Variants in PCNT observed in about 807,000 individuals in gnomAD.
PCNT encodes the protein kendrin.
Under a neutral mutation model 380.4 loss-of-function variants are expected in PCNT, and 319 were observed. The ratio of observed to expected loss-of-function variants is 0.84; its 90% CI spans 0.77 to 0.92. The LOEUF (loss-of-function observed/expected upper bound fraction) is 0.92, where lower values mean the gene tolerates loss of function less well. Among genes scored for constraint, PCNT ranks in the 40% least tolerant of loss-of-function variants. The pLI, the probability that PCNT is intolerant of heterozygous loss-of-function variation, is 0.00. For missense variants in PCNT, 4,400 were observed against 4,255.3 expected, an observed-to-expected ratio of 1.03 and a Z score of -0.95; for synonymous variants, 1,845 against 1,735.2, an observed-to-expected ratio of 1.06 and a Z score of -1.57.
rs768890369 is a variant in PCNT, at chr21:46,355,644, C to T, written c.1936+18C>T. On this transcript the variant is annotated intron_variant, in intron 12 of 46. Transcript: ENST00000359568. ...CAGCCAAGGTGGGCCCCTCCCGCCT[C>T]GCCATGGTGTCGGCAGGTCCCGGGT... 160 of 1,612,414 alleles carry T rather than the reference C, an allele frequency of 9.9e-5. No individual in the cohort carries two copies. Among genetic ancestry groups the T allele is most frequent in the Non-Finnish European group, 1.3e-4 (148 of 1,179,570 alleles).
chr21:46,424,702 T>G (rs1179038919), intron 32 of PCNT, among the ~76,000 whole-genome samples: 2 of 8,796 alleles, frequency 2.3e-4, no homozygotes, highest in South Asian at 2.5e-3. Context: ...CCCCCGGCCC[T>G]GCTCCCACTG....
intron 8 of PCNT, 120 bp from the exon 9 acceptor site, chr21:46,351,309 T>TTTGGGATG (rs1211945239): frequency 1.3e-5 from 10 of 745,270 alleles, no homozygotes; most frequent in Non-Finnish European, 2.5e-5. Flanking sequence ...GAGCTGCAGG[T>TTTGGGATG]TTGGGATGTG....
chr21:46,343,269 T>C (rs1335646620), intron 3 of PCNT, among the ~76,000 whole-genome samples: 2 of 152,198 alleles, frequency 1.3e-5, no homozygotes, highest in Non-Finnish European at 2.9e-5. Flanking sequence ...CAGTATAATG[T>C]TGGCTGTGGG....
intron 9 of PCNT, 60 bp from the exon 10 acceptor site, chr21:46,353,044 C>T (rs903886975): frequency 1.7e-5 from 24 of 1,403,214 alleles, no homozygotes; most frequent in Non-Finnish European, 1.9e-5. Flanking sequence ...TCTTGCCTCT[C>T]GCCTGGCTTG....
chr21:46,424,716 C>CT (rs1218188010), intron 32 of PCNT, among the ~76,000 whole-genome samples: 1 of 134,484 alleles, frequency 7.4e-6, no homozygotes, highest in Non-Finnish European at 1.6e-5. Flanking sequence ...CCCACTGCGC[C>CT]CCCCCCAACC....
rs769831761 is a variant in PCNT, at chr21:46,346,888, C to T, written c.866C>T (p.Ala289Val). Residue 289 changes from alanine to valine, a missense_variant, in exon 5 of 47, where the codon GCC becomes GTC. Physicochemically the swap from Ala to Val is moderately conservative, Grantham distance 64 (BLOSUM62 0). Transcript: ENST00000359568. ...ELREMLNSRR[A>V]QELALLQSRQ... ...CGGGAGATGCTCAACAGCCGGCGTG[C>T]CCAGGAGCTGGCCCTGCTACAGAGC... The T allele has an allele frequency of 5.0e-6, 8 of 1,606,532 alleles. No individual in the cohort carries two copies. Among genetic ancestry groups the T allele is most frequent in the Admixed American group, 3.4e-5 (2 of 58,820 alleles).
rs774181521 is a variant in PCNT, at chr21:46,411,598, T to G, written c.5525T>G (p.Val1842Gly). ...CAGCTGGCTGAGCTGGAGCGCAATG[T>G]AGCCCTCAGGGAGGCTGAGGTCGAA... is the stretch of plus-strand genomic sequence containing the variant. ...ELQLAELERN[V>G]ALREAEVEDM... The change falls in exon 28 of 47, where the codon GTA becomes GGA. Residue 1842 changes from valine to glycine, a missense_variant. By Grantham distance (109) the Val-to-Gly change is moderately radical. Transcript: ENST00000359568. 1 of 1,613,012 alleles carries G rather than the reference T, an allele frequency of 6.2e-7. No individual in the cohort carries two copies. Among genetic ancestry groups the G allele is most frequent in the South Asian group, 1.1e-5 (1 of 91,082 alleles).
At chr21:46,389,098 G>A (rs865876035) in intron 18 of PCNT, 101 bp from the exon 19 acceptor site, 7 of 1,342,982 alleles carry the variant, frequency 5.2e-6, no homozygotes, top group Admixed American at 1.9e-5. Context: ...CTCGGCTGGG[G>A]CGACGTTCTG....
At chr21:46,353,750 G>T (rs1381490662) in intron 10 of PCNT, among the ~76,000 whole-genome samples, 1 of 101,004 alleles carries the variant, frequency 9.9e-6, no homozygotes, top group Non-Finnish European at 2.4e-5. Flanking sequence ...GTGTGTGTGT[G>T]TGAGAGAGAC....
chr21:46,436,910 C>T, intron 39 of PCNT, 69 bp from the exon 40 acceptor site: 3 of 1,100,048 alleles, frequency 2.7e-6, no homozygotes, highest in South Asian at 2.5e-5. Flanking sequence ...GCCGTGAGCT[C>T]TTGTTTAGTT....
At chr21:46,367,236 T>C in intron 15 of PCNT, 97 bp downstream of exon 15, 1 of 1,043,702 alleles carries the variant, frequency 9.6e-7, no homozygotes, top group Non-Finnish European at 1.4e-6. Flanking sequence ...GTGCTGTGTG[T>C]GCCTGTGCGG....
rs116073114 is a variant in PCNT, at chr21:46,343,060, C to T, written c.640-3068C>T. 7.6e-3 allele frequency among the ~76,000 whole-genome samples: 1,158 copies of T among 152,240 alleles called. 14 individuals carry two copies. Among genetic ancestry groups the T allele is most frequent in the African/African-American group, 0.027 (1,106 of 41,530 alleles). On this transcript the variant is annotated intron_variant, in intron 3 of 46. Coordinates refer to ENST00000359568, the MANE Select transcript of PCNT (RefSeq NM_006031.6). ...TGAATTCATCGATCAGATGTAGGAG[C>T]TTTCTGGATGAGTCTCCAGGGTTTT...
intron 32 of PCNT, among the ~76,000 whole-genome samples, chr21:46,422,968 C>T (rs551358204): frequency 6.6e-6 from 1 of 152,254 alleles, no homozygotes; most frequent in Admixed American, 6.5e-5. Flanking sequence ...CTTTATTTGG[C>T]TGGGCACGGT....
chr21:46,389,531 C>G (rs571476464), intron 19 of PCNT, 100 bp downstream of exon 19: 1 of 896,666 alleles, frequency 1.1e-6, no homozygotes, highest in South Asian at 1.6e-5. Flanking sequence ...GACGCTCGCA[C>G]GGGTTTCTCC....
At chr21:46,328,646 A>T (rs1222471723) in intron 2 of PCNT, among the ~76,000 whole-genome samples, 1 of 151,318 alleles carries the variant, frequency 6.6e-6, no homozygotes, top group Non-Finnish European at 1.5e-5. Context: ...TTTTTAGTAG[A>T]GACAGGGTTT....
intron 38 of PCNT, among the ~76,000 whole-genome samples, chr21:46,434,512 C>T (rs2087886601): frequency 6.6e-6 from 1 of 152,252 alleles, no homozygotes; most frequent in South Asian, 2.1e-4. Flanking sequence ...AAGGAAGCCC[C>T]AGCGGCGCTG....
At chr21:46,349,641 A>G (rs1432891239) in intron 7 of PCNT, 43 bp from the exon 8 acceptor site, 4 of 1,601,710 alleles carry the variant, frequency 2.5e-6, no homozygotes, top group African/African-American at 2.7e-5. Flanking sequence ...TGTTGAGGAG[A>G]GTGATGTCTT....
In PCNT at chr21:46,388,078, C is replaced by G. The variant is rs1235094173; in HGVS notation, c.3465-664C>G. Among the ~76,000 whole-genome samples, 1 of 152,048 alleles carries G rather than the reference C, an allele frequency of 6.6e-6. No individual in the cohort carries two copies. Among genetic ancestry groups the G allele is most frequent in the African/African-American group, 2.4e-5 (1 of 41,398 alleles). The stretch of plus-strand genomic sequence containing the variant: ...ACAAAAAATTAGCCGGGCGTGGTGA[C>G]AGACGCCTGTAGTCCCAGCTACTCG... On this transcript the variant is annotated intron_variant, in intron 17 of 46. Coordinates refer to ENST00000359568, the MANE Select transcript of PCNT (RefSeq NM_006031.6). This position sits in a 1 kb window ranked among gnomAD's most constrained non-coding sequence, Gnocchi z 4.2.
Position 46,421,963 on chromosome 21 carries a change from T to G in PCNT, c.7025-7T>G, listed in dbSNP as rs2087271314. Reference sequence around the variant, plus strand: ...TGGGTGGGACCCTGACCCTGTGGTGTTTTTAGGTGACGGCTCGGGTTTTGG... The same window carrying G: ...TGGGTGGGACCCTGACCCTGTGGTGGTTTTAGGTGACGGCTCGGGTTTTGG... On this transcript the variant is annotated splice_region_variant and splice_polypyrimidine_tract_variant and intron_variant, in intron 31 of 46. Coordinates refer to ENST00000359568, the MANE Select transcript of PCNT (RefSeq NM_006031.6). 1 of 1,613,614 alleles carries G rather than the reference T, an allele frequency of 6.2e-7. No homozygotes were observed. Among genetic ancestry groups the G allele is most frequent in the South Asian group, 1.1e-5 (1 of 91,076 alleles).
Sources: allele counts gnomAD v4.1 joint callset (sites outside exome capture counted in the v4.1 genomes callset), GRCh38; gene constraint gnomAD v4.1.1; non-coding constraint Gnocchi (gnomAD v3.1); transcripts MANE v1.5; gene names NCBI Gene and HGNC (gene_info 2026-07-23, HGNC 2026-07-21).